Variants in ITGBL1 observed in about 807,000 individuals in gnomAD.
The protein encoded by ITGBL1 is integrin subunit beta like 1, also known as integrin beta-like protein 1.
In ITGBL1, 51 loss-of-function variants were observed where a neutral mutation model predicts 68.5. The observed-to-expected ratio is 0.74, with a 90% CI of 0.59 to 0.94. The LOEUF (loss-of-function observed/expected upper bound fraction) is 0.94, where lower values mean the gene tolerates loss of function less well. Ranked by LOEUF, ITGBL1 falls within the 40% of genes least tolerant of loss-of-function variation. The probability of loss-of-function intolerance (pLI) is 0.00; values close to 1 mark genes in which losing one functional copy is unlikely to be tolerated. For missense variants in ITGBL1, 649 were observed against 647.4 expected (o/e 1.00, Z -0.03); for synonymous variants, 209 against 227.3 (o/e 0.92, Z 0.72).
At chr13:101,634,941 GGTGTGTGTGTGTGT>G (rs59309809) in intron 7 of ITGBL1, among the ~76,000 whole-genome samples, 3 of 145,808 alleles carry the variant, frequency 2.1e-5, no homozygotes, top group South Asian at 2.2e-4. Context: ...ATAAGCAAAA[GGTGTGTGTGTGTGT>G]GTGTGTGTGT....
chr13:101,715,307 G>A (rs142794360), intron 10 of ITGBL1: 5 of 388,928 alleles, frequency 1.3e-5, no homozygotes, highest in African/African-American at 1.0e-4. Context: ...TCACCTAAAA[G>A]CCTAGCTGGA....
intron 7 of ITGBL1, among the ~76,000 whole-genome samples, chr13:101,622,080 A>G (rs1272832386): frequency 2.6e-5 from 4 of 152,188 alleles, no homozygotes; most frequent in Admixed American, 2.6e-4. Flanking sequence ...TTGCCTGCAC[A>G]GAGTGTTGAT....
chr13:101,479,848 C>T (rs1449638066), intron 2 of ITGBL1, among the ~76,000 whole-genome samples: 2 of 151,938 alleles, frequency 1.3e-5, no homozygotes. Flanking sequence ...GAAAAAGGAA[C>T]CCTCTTACAG....
intron 7 of ITGBL1, among the ~76,000 whole-genome samples, chr13:101,678,656 C>T (rs996943840): frequency 1.3e-5 from 2 of 152,028 alleles, no homozygotes; most frequent in East Asian, 3.9e-4. Context: ...CTCACCACCA[C>T]ACCCAGCTAA....
Position 101,692,586 on chromosome 13 carries a change from T to C in ITGBL1, c.1017T>C (p.Gly339=). ...GTGCACTTTCTTTATACTTTCCAGGTAAATGTGAATGTGGCAAATGCACCT... is the reference window on the plus strand; with the variant it reads ...GTGCACTTTCTTTATACTTTCCAGGCAAATGTGAATGTGGCAAATGCACCT... ...GSSDLPCSGR[G]KCECGKCTCY... Residue 339 remains glycine, a splice_region_variant and synonymous_variant, in exon 8 of 11, where the codon GGT becomes GGC. Coordinates refer to ENST00000376180, the MANE Select transcript of ITGBL1 (RefSeq NM_004791.3). The C allele has an allele frequency of 6.2e-7, 1 of 1,606,744 alleles. No homozygotes were observed. Among genetic ancestry groups the C allele is most frequent in the African/African-American group, 1.3e-5 (1 of 74,878 alleles).
intron 7 of ITGBL1, among the ~76,000 whole-genome samples, chr13:101,662,756 T>TTA (rs1272290888): frequency 6.6e-6 from 1 of 152,148 alleles, no homozygotes; most frequent in South Asian, 2.1e-4. Context: ...ACTAAGTTTG[T>TTA]CCCTGAAAGT....
rs1441032096 is a variant in ITGBL1, at chr13:101,715,640, T to C, written c.1471T>C (p.Ser491Pro). The change falls in exon 11 of 11, where the codon TCA becomes CCA. Residue 491 changes from serine (S) to proline (P), a missense_variant. Physicochemically the swap from Ser to Pro is moderately conservative, Grantham distance 74 (BLOSUM62 -1). Transcript: ENST00000376180. ...AAATGCATGTGAAATCTGGCTTGGCTCAGAATATCCTTAACAATTACATGA... is the reference window on the plus strand; with the variant it reads ...AAATGCATGTGAAATCTGGCTTGGCCCAGAATATCCTTAACAATTACATGA... ...NGNACEIWLG[S>P]EYP 12 of 1,609,806 alleles carry C rather than the reference T, an allele frequency of 7.5e-6. No homozygotes were observed. The highest frequency in any genetic ancestry group is 1.0e-5 in the Non-Finnish European group (12 of 1,176,348).
At chr13:101,604,887 T>TACACACACACACACACACACACAC (rs1555361670) in intron 7 of ITGBL1, among the ~76,000 whole-genome samples, 1,148 of 22,056 alleles carry the variant, frequency 0.052, 128 homozygotes, top group East Asian at 0.13. Context: ...TATATATATA[T>TACACACACACACACACACACACAC]ACACACACAC....
intron 2 of ITGBL1, among the ~76,000 whole-genome samples, chr13:101,564,694 G>T (rs2050154881): frequency 6.7e-6 from 1 of 149,062 alleles, no homozygotes; most frequent in South Asian, 2.1e-4. Context: ...ACATATACAT[G>T]TATGTATAAA....
chr13:101,605,982 GTATA>G (rs559354236), intron 7 of ITGBL1, among the ~76,000 whole-genome samples: 5 of 143,918 alleles, frequency 3.5e-5, no homozygotes, highest in Admixed American at 1.4e-4. Context: ...GCATATATGT[GTATA>G]TATATGTGTA....
intron 2 of ITGBL1, among the ~76,000 whole-genome samples, chr13:101,488,853 A>G (rs1372480780): frequency 2.0e-5 from 3 of 152,138 alleles, no homozygotes; most frequent in East Asian, 3.9e-4. Context: ...AAAGGGAGTT[A>G]TATTCCTTTT....
intron 2 of ITGBL1, among the ~76,000 whole-genome samples, chr13:101,534,917 C>G (rs2049545842): frequency 6.6e-6 from 1 of 152,048 alleles, no homozygotes; most frequent in Admixed American, 6.6e-5. Context: ...AACAGTGTAA[C>G]ATAAGATGTT....
intron 2 of ITGBL1, among the ~76,000 whole-genome samples, chr13:101,462,290 A>G (rs903043485): frequency 1.3e-5 from 2 of 152,172 alleles, no homozygotes. Flanking sequence ...TAAGCTTCCC[A>G]TCCAAGACTC....
At chr13:101,516,302 G>A (rs1211509657) in intron 2 of ITGBL1, among the ~76,000 whole-genome samples, 2 of 152,086 alleles carry the variant, frequency 1.3e-5, no homozygotes, top group Non-Finnish European at 1.5e-5. Context: ...TGATTAAAAA[G>A]CACTCTAATC....
At chr13:101,580,051 C>G (rs2050429443) in intron 5 of ITGBL1, among the ~76,000 whole-genome samples, 1 of 152,016 alleles carries the variant, frequency 6.6e-6, no homozygotes, top group South Asian at 2.1e-4. Flanking sequence ...GATGTAAAAT[C>G]AAACAGTTTA....
chr13:101,590,207 A>C (rs2050627905), intron 6 of ITGBL1, among the ~76,000 whole-genome samples: 1 of 152,254 alleles, frequency 6.6e-6, no homozygotes, highest in Non-Finnish European at 1.5e-5. Context: ...CTTTTGAATA[A>C]CTTCTGCCTT....
intron 7 of ITGBL1, among the ~76,000 whole-genome samples, chr13:101,691,240 T>C (rs941486843): frequency 6.6e-6 from 1 of 152,204 alleles, no homozygotes; most frequent in African/African-American, 2.4e-5. Flanking sequence ...AACCTGGGAC[T>C]ACCTCCAAGT....
At chr13:101,543,489 C>T (rs1205665825) in intron 2 of ITGBL1, among the ~76,000 whole-genome samples, 1 of 152,246 alleles carries the variant, frequency 6.6e-6, no homozygotes, top group Admixed American at 6.5e-5. Flanking sequence ...CTGCCCTTAA[C>T]ATTTTTTCCC....
chr13:101,609,205 G>A (rs956431647), intron 7 of ITGBL1, among the ~76,000 whole-genome samples: 3 of 152,076 alleles, frequency 2.0e-5, no homozygotes, highest in Non-Finnish European at 4.4e-5. Flanking sequence ...TTCAGAACAT[G>A]TCGGGAATGT....
Sources: allele counts gnomAD v4.1 joint callset (sites outside exome capture counted in the v4.1 genomes callset), GRCh38; gene constraint gnomAD v4.1.1; transcripts MANE v1.5; gene names NCBI Gene and HGNC (gene_info 2026-07-23, HGNC 2026-07-21).